Variants in FBXL17 observed in about 807,000 individuals in gnomAD.
FBXL17 encodes F-box/LRR-repeat protein 17.
Under a neutral mutation model 66.2 loss-of-function variants are expected in FBXL17, and 22 were observed. That is an observed-to-expected ratio of 0.33 (90% confidence interval 0.24 to 0.47). The LOEUF is 0.47. FBXL17 is among the 20% of genes least tolerant of loss of function. The pLI is 1.00. For synonymous variants in FBXL17, 474 were observed against 400.5 expected (o/e 1.18, Z -2.19); for missense variants, 878 against 948.2 (o/e 0.93, Z 0.97).
At chr5:108,044,023 G>A (rs1298018507) in intron 6 of FBXL17, among the ~76,000 whole-genome samples, 1 of 152,088 alleles carries the variant, frequency 6.6e-6, no homozygotes, top group African/African-American at 2.4e-5. Context: ...AAATACAATC[G>A]AGTTTTGTAT....
chr5:108,008,285 A>AT (rs975271502), intron 7 of FBXL17, among the ~76,000 whole-genome samples: 2 of 152,102 alleles, frequency 1.3e-5, no homozygotes, highest in African/African-American at 2.4e-5. Flanking sequence ...CCAATTTATA[A>AT]TTTTTTTGAA....
rs1175020036 is a variant in FBXL17, at chr5:108,261,493, A to AT, written c.1507-37266dup. On this transcript the variant is annotated intron_variant, in intron 4 of 8. Transcript: ENST00000542267. ...GAAAATGAGTAAAAGAATATAATAT[A>AT]TTTTTTAAGTATTGAAGAAAACAAT... is the stretch of plus-strand genomic sequence containing the variant. Among the ~76,000 whole-genome samples, 7 of 152,240 alleles carry AT rather than the reference A, an allele frequency of 4.6e-5. No homozygotes were observed. The East Asian group carries it at 1.4e-3, about 29-fold the overall frequency.
chr5:108,138,373 C>A (rs1324937928), intron 6 of FBXL17, among the ~76,000 whole-genome samples: 1 of 151,302 alleles, frequency 6.6e-6, no homozygotes, highest in Non-Finnish European at 1.5e-5. Context: ...TTAAAACTCT[C>A]TCTCTTTTTG....
intron 4 of FBXL17, among the ~76,000 whole-genome samples, chr5:108,232,794 T>TATATATATATATATATATATATATA (rs1294290778): frequency 8.0e-6 from 1 of 124,852 alleles, no homozygotes; most frequent in African/African-American, 3.2e-5. Context: ...TATATATATA[T>TATATATATATATATATATATATATA]ATATATATAT....
chr5:108,348,566 A>G (rs199665067), intron 3 of FBXL17, 36 bp from the exon 4 acceptor site: 138 of 1,584,376 alleles, frequency 8.7e-5, no homozygotes, highest in Admixed American at 3.9e-4. Flanking sequence ...TGCTCAAAAA[A>G]TAACAAAGGC....
At chr5:108,270,490 T>A (rs983789000) in intron 4 of FBXL17, among the ~76,000 whole-genome samples, 1 of 149,470 alleles carries the variant, frequency 6.7e-6, no homozygotes, top group Non-Finnish European at 1.5e-5. Flanking sequence ...ATAAATCACA[T>A]ATTTAGCAAC....
intron 4 of FBXL17, among the ~76,000 whole-genome samples, chr5:108,260,027 A>C (rs2150124412): frequency 6.7e-6 from 1 of 149,300 alleles, no homozygotes; most frequent in East Asian, 2.3e-4. Context: ...AACTTAAAAA[A>C]AAAAAACAAA....
chr5:108,323,945 C>T (rs574697006), intron 4 of FBXL17, among the ~76,000 whole-genome samples: 13 of 151,914 alleles, frequency 8.6e-5, no homozygotes, highest in South Asian at 4.2e-4. Context: ...TAAAAATGAA[C>T]GGAAGACCTA....
At chr5:108,209,722 T>C (rs1162412599) in intron 5 of FBXL17, among the ~76,000 whole-genome samples, 4 of 152,228 alleles carry the variant, frequency 2.6e-5, no homozygotes, top group Non-Finnish European at 5.9e-5. Context: ...CAGTATTTTA[T>C]TGAGGATTTT....
At chr5:108,195,953 T>C (rs954332392) in intron 5 of FBXL17, among the ~76,000 whole-genome samples, 5 of 152,152 alleles carry the variant, frequency 3.3e-5, no homozygotes, top group Admixed American at 3.3e-4. Context: ...GAATATGCTA[T>C]GCTTGAGATG....
chr5:108,168,676 A>G (rs1752497696), intron 6 of FBXL17, among the ~76,000 whole-genome samples: 1 of 152,146 alleles, frequency 6.6e-6, no homozygotes, highest in South Asian at 2.1e-4. Context: ...GCATTAATAA[A>G]ACACAGAGAG....
At chr5:107,967,453 T>C (rs1403838305) in intron 7 of FBXL17, among the ~76,000 whole-genome samples, 1 of 145,962 alleles carries the variant, frequency 6.9e-6, no homozygotes, top group Non-Finnish European at 1.5e-5. Flanking sequence ...TAAAACAACA[T>C]TTTCACTCAT....
intron 7 of FBXL17, among the ~76,000 whole-genome samples, chr5:107,951,036 G>A (rs879642813): frequency 9.8e-5 from 15 of 152,314 alleles, no homozygotes; most frequent in Non-Finnish European, 1.9e-4. Flanking sequence ...ATAAATGGCA[G>A]GCACACACTA....
chr5:107,982,101 A>C (rs1752851674), intron 7 of FBXL17, among the ~76,000 whole-genome samples: 1 of 152,192 alleles, frequency 6.6e-6, no homozygotes, highest in Non-Finnish European at 1.5e-5. Flanking sequence ...ATAATATCTT[A>C]AGGTTAAAAA....
intron 1 of FBXL17, among the ~76,000 whole-genome samples, chr5:108,369,832 A>G (rs999489094): frequency 6.6e-6 from 1 of 152,218 alleles, no homozygotes; most frequent in Non-Finnish European, 1.5e-5. Flanking sequence ...TGAATATAAA[A>G]GATATTAATT....
intron 6 of FBXL17, among the ~76,000 whole-genome samples, chr5:108,171,466 G>A (rs767466700): frequency 6.6e-6 from 1 of 152,036 alleles, no homozygotes; most frequent in Non-Finnish European, 1.5e-5. Context: ...ATAAAACAGG[G>A]CATAATGATA....
chr5:108,125,327 T>C (rs906834801), intron 6 of FBXL17, among the ~76,000 whole-genome samples: 2 of 152,006 alleles, frequency 1.3e-5, no homozygotes, highest in Admixed American at 1.3e-4. Flanking sequence ...AAGTAAGGGA[T>C]AGTAAACATT....
intron 7 of FBXL17, among the ~76,000 whole-genome samples, chr5:107,939,822 G>A (rs1751035928): frequency 6.6e-6 from 1 of 152,076 alleles, no homozygotes; most frequent in South Asian, 2.1e-4. Flanking sequence ...ATTAGTCAAT[G>A]AAGGCCCTGG....
At chr5:108,170,283 T>C (rs983176462) in intron 6 of FBXL17, among the ~76,000 whole-genome samples, 1 of 152,116 alleles carries the variant, frequency 6.6e-6, no homozygotes, top group Non-Finnish European at 1.5e-5. Flanking sequence ...TCCCAGACAT[T>C]AATATTTAAC....
Sources: allele counts gnomAD v4.1 joint callset (sites outside exome capture counted in the v4.1 genomes callset), GRCh38; gene constraint gnomAD v4.1.1; transcripts MANE v1.5; gene names NCBI Gene and HGNC (gene_info 2026-07-23, HGNC 2026-07-21).